The following NOL4 variants were observed in gnomAD, a reference collection of about 807,000 sequenced individuals.
NOL4 encodes cancer/testis antigen 125.
In NOL4, 17 loss-of-function variants were observed where a neutral mutation model predicts 75.9. That is an observed-to-expected ratio of 0.22 (90% CI 0.15 to 0.34). The LOEUF is 0.34. NOL4 is among the 10% of genes least tolerant of loss of function. The pLI, the probability that NOL4 is intolerant of heterozygous loss-of-function variation, is 1.00. For missense variants in NOL4, 614 were observed against 793.5 expected (o/e 0.77, Z 2.72); for synonymous variants, 292 against 289.9 (o/e 1.01, Z -0.07).
At chr18:34,045,649 T>C (rs1029263005) in intron 5 of NOL4, among the ~76,000 whole-genome samples, 2 of 152,182 alleles carry the variant, frequency 1.3e-5, no homozygotes, top group Admixed American at 6.6e-5. Flanking sequence ...ATAATTTTCC[T>C]GAGACATATG....
At chr18:33,894,923 C>G (rs552502599) in intron 9 of NOL4, among the ~76,000 whole-genome samples, 1 of 152,122 alleles carries the variant, frequency 6.6e-6, no homozygotes, top group African/African-American at 2.4e-5. Flanking sequence ...AGCAGGATGA[C>G]TGTAGTCAAT....
intron 1 of NOL4, among the ~76,000 whole-genome samples, chr18:34,219,155 C>G (rs1172977072): frequency 6.6e-6 from 1 of 152,018 alleles, no homozygotes; most frequent in Non-Finnish European, 1.5e-5. Context: ...AATGCATTTT[C>G]CTTTCTGGAT....
At chr18:34,147,024 G>C (rs1396576358) in intron 1 of NOL4, among the ~76,000 whole-genome samples, 1 of 152,030 alleles carries the variant, frequency 6.6e-6, no homozygotes, top group Non-Finnish European at 1.5e-5. Context: ...CTGTTTGTCT[G>C]TTATTGGTGT....
At chr18:34,133,241 C>A (rs1386891344) in intron 1 of NOL4, among the ~76,000 whole-genome samples, 1 of 143,816 alleles carries the variant, frequency 7.0e-6, no homozygotes, top group Non-Finnish European at 1.5e-5. Context: ...CATTGCACTC[C>A]AGCTTGGGCA....
intron 10 of NOL4, among the ~76,000 whole-genome samples, chr18:33,864,840 A>C (rs1599669586): frequency 6.6e-6 from 1 of 152,222 alleles, no homozygotes; most frequent in East Asian, 1.9e-4. Flanking sequence ...TCATGGCAGA[A>C]GCAGAAGTTA....
intron 1 of NOL4, chr18:34,221,744 T>G (rs79208690): frequency 3.1e-6 from 1 of 322,856 alleles, no homozygotes; most frequent in Non-Finnish European, 5.6e-6. Flanking sequence ...CAGGAAACCA[T>G]AAACTGATTT....
intron 2 of NOL4, among the ~76,000 whole-genome samples, chr18:34,112,963 C>T (rs2079671840): frequency 6.6e-6 from 1 of 152,108 alleles, no homozygotes; most frequent in Non-Finnish European, 1.5e-5. Context: ...ACGTTGTACA[C>T]CTAACATATA....
At chr18:33,889,971 C>T (rs568382120) in intron 9 of NOL4, among the ~76,000 whole-genome samples, 78 of 152,058 alleles carry the variant, frequency 5.1e-4, no homozygotes, top group Admixed American at 1.4e-3. Context: ...CTTTGAAAAC[C>T]GGCACAAGAC....
intron 6 of NOL4, among the ~76,000 whole-genome samples, chr18:34,008,791 A>G (rs1196803084): frequency 3.3e-5 from 5 of 151,978 alleles, no homozygotes; most frequent in African/African-American, 1.2e-4. Flanking sequence ...CTGAAAGAGA[A>G]AAGACTCTAT....
At chr18:34,180,966 G>C (rs2146329456) in intron 1 of NOL4, among the ~76,000 whole-genome samples, 1 of 151,534 alleles carries the variant, frequency 6.6e-6, no homozygotes, top group East Asian at 1.9e-4. Flanking sequence ...TAGGTTGTAA[G>C]ACAATATTTT....
intron 1 of NOL4, among the ~76,000 whole-genome samples, chr18:34,155,605 G>A (rs1457028794): frequency 2.0e-5 from 3 of 151,852 alleles, no homozygotes; most frequent in East Asian, 3.9e-4. Flanking sequence ...AGCATGTTAC[G>A]GTACTGAATA....
chr18:34,008,577 T>C (rs1261055051), intron 6 of NOL4, among the ~76,000 whole-genome samples: 1 of 151,984 alleles, frequency 6.6e-6, no homozygotes, highest in African/African-American at 2.4e-5. Flanking sequence ...AATACTTAAT[T>C]ATTTTACGTG....
intron 5 of NOL4, among the ~76,000 whole-genome samples, chr18:34,079,018 G>T (rs2077872092): frequency 1.3e-5 from 2 of 152,122 alleles, no homozygotes; most frequent in Non-Finnish European, 2.9e-5. Context: ...ATTGAATCTA[G>T]TTTATTTGCC....
chr18:34,024,194 A>AAATATATATATAT, intron 5 of NOL4, among the ~76,000 whole-genome samples: 47 of 70,674 alleles, frequency 6.7e-4, no homozygotes, highest in Non-Finnish European at 1.3e-3. Flanking sequence ...AAAAAAAAAA[A>AAATATATATATAT]ATATATATAT....
chr18:34,061,703 C>T (rs1037348735), intron 5 of NOL4, among the ~76,000 whole-genome samples: 9 of 151,826 alleles, frequency 5.9e-5, no homozygotes, highest in Admixed American at 2.0e-4. Flanking sequence ...CTAAGAACCA[C>T]GAATAAATGA....
At chr18:33,926,976 A>C (rs1426423796) in intron 9 of NOL4, among the ~76,000 whole-genome samples, 1 of 152,190 alleles carries the variant, frequency 6.6e-6, no homozygotes, top group Non-Finnish European at 1.5e-5. Flanking sequence ...TTACAGCTAT[A>C]ATCTTTTTAT....
At chr18:33,906,615 G>T (rs913993044) in intron 9 of NOL4, among the ~76,000 whole-genome samples, 1 of 152,072 alleles carries the variant, frequency 6.6e-6, no homozygotes, top group African/African-American at 2.4e-5. Context: ...CGGATAATTT[G>T]TCATTTAATT....
intron 9 of NOL4, among the ~76,000 whole-genome samples, chr18:33,934,433 T>C (rs1426256515): frequency 6.6e-6 from 1 of 152,174 alleles, no homozygotes; most frequent in Non-Finnish European, 1.5e-5. Context: ...AGCTATAAAA[T>C]ACTAGGTGGC....
At chr18:33,872,750 T>C (rs2063758594) in intron 10 of NOL4, among the ~76,000 whole-genome samples, 1 of 152,002 alleles carries the variant, frequency 6.6e-6, no homozygotes, top group South Asian at 2.1e-4. Context: ...TTGTTTAATT[T>C]CAATAGCCAC....
Sources: allele counts gnomAD v4.1 joint callset (sites outside exome capture counted in the v4.1 genomes callset), GRCh38; gene constraint gnomAD v4.1.1; transcripts MANE v1.5; gene names NCBI Gene and HGNC (gene_info 2026-07-23, HGNC 2026-07-21).